MUC7: variants seen among roughly 807,000 people sequenced by gnomAD.
The protein encoded by MUC7 is mucin-7.
A neutral mutation model predicts 2.5 loss-of-function variants in MUC7; 2 were observed. That is an observed-to-expected ratio of 0.81 (90% CI 0.33 to 2.55). MUC7 has a LOEUF of 2.55. MUC7 is among the 30% of genes most tolerant of loss of function. The pLI, the probability that MUC7 is intolerant of heterozygous loss-of-function variation, is 0.11. For missense variants in MUC7, 408 were observed against 455.6 expected, an observed-to-expected ratio of 0.90 and a Z score of 0.95; for synonymous variants, 133 against 173.4, an observed-to-expected ratio of 0.77 and a Z score of 1.83.
At chr4:70,434,980 G>A (rs1733789089) in intron 1 of MUC7, among the ~76,000 whole-genome samples, 1 of 152,154 alleles carries the variant, frequency 6.6e-6, no homozygotes, top group Non-Finnish European at 1.5e-5. Flanking sequence ...TAGTCATTCA[G>A]GAGCAGATTG....
rs1553920391 is a variant in MUC7 at position 70,481,411 on chromosome 4, C to G, written c.667C>G (p.Pro223Ala). The G allele has an allele frequency of 6.2e-7, 1 of 1,612,832 alleles. No homozygotes were observed. The highest frequency in any genetic ancestry group is 8.5e-7 in the Non-Finnish European group (1 of 1,179,782). The change falls in exon 3 of 3, where the codon CCA becomes GCA. Residue 223 changes from proline (P) to alanine (A), a missense_variant. Physicochemically the swap from Pro to Ala is conservative, Grantham distance 27. Coordinates refer to ENST00000304887, the MANE Select transcript of MUC7 (RefSeq NM_152291.3). ...AAPPTPPATTPAPPSSSAPPE... is the reference protein window; with the variant it reads ...AAPPTPPATTAAPPSSSAPPE... Reference sequence around the variant, plus strand: ...CCCACCCACACCTCCTGCAACTACACCAGCTCCACCATCTTCCTCAGCTCC... The same window carrying G: ...CCCACCCACACCTCCTGCAACTACAGCAGCTCCACCATCTTCCTCAGCTCC...
chr4:70,465,393 G>A (rs1734657658), intron 1 of MUC7, among the ~76,000 whole-genome samples: 1 of 152,144 alleles, frequency 6.6e-6, no homozygotes, highest in South Asian at 2.1e-4. Flanking sequence ...AGTGGACAGA[G>A]AATGAGTTTG....
upstream of MUC7, among the ~76,000 whole-genome samples, chr4:70,470,321 G>A (rs1289730243): frequency 6.6e-6 from 1 of 152,106 alleles, no homozygotes; most frequent in African/African-American, 2.4e-5. Flanking sequence ...ACAGGTTGAT[G>A]GGTGCAGCAA....
intron 1 of MUC7, among the ~76,000 whole-genome samples, chr4:70,457,210 AG>A (rs1464155080): frequency 6.6e-6 from 1 of 152,126 alleles, no homozygotes; most frequent in South Asian, 2.1e-4. Flanking sequence ...TGGGAAGCCA[AG>A]GGGGGAGGAC....
intron 2 of MUC7, among the ~76,000 whole-genome samples, chr4:70,478,964 G>A (rs1735089809): frequency 6.6e-6 from 1 of 152,196 alleles, no homozygotes; most frequent in Non-Finnish European, 1.5e-5. Flanking sequence ...GTTGTTCTCA[G>A]TTGTGAATTA....
chr4:70,456,249 C>G (rs188913954), intron 1 of MUC7, among the ~76,000 whole-genome samples: 175 of 152,242 alleles, frequency 1.1e-3, no homozygotes, highest in African/African-American at 3.9e-3. Context: ...AACATTTACT[C>G]AAAAAGATTA....
intron 1 of MUC7, among the ~76,000 whole-genome samples, chr4:70,444,509 A>T (rs1447620275): frequency 6.6e-6 from 1 of 151,972 alleles, no homozygotes; most frequent in Non-Finnish European, 1.5e-5. Flanking sequence ...CACTACCACC[A>T]CTGCACTTGC....
At chr4:70,480,558 C>G (rs1735134314) in intron 2 of MUC7, among the ~76,000 whole-genome samples, 1 of 152,094 alleles carries the variant, frequency 6.6e-6, no homozygotes, top group Admixed American at 6.6e-5. Context: ...AAGCTAGAAC[C>G]CACAGGAATA....
rs144037019 is a variant in MUC7, at chr4:70,452,175, C to A, written c.-92-20040C>A. On this transcript the variant is annotated intron_variant, in intron 1 of 3. Coordinates refer to the MUC7 transcript ENST00000413702. The stretch of plus-strand genomic sequence containing the variant: ...GATGCAGTGTGTTTCTTGTAGGCAT[C>A]AGATCACTGGGTCATGTTTTCTCAT... 2.3e-3 allele frequency among the ~76,000 whole-genome samples: 345 copies of A among 152,274 alleles called. 4 individuals carry two copies. The highest frequency in any genetic ancestry group is 0.011 in the South Asian group (53 of 4,828).
upstream of MUC7, among the ~76,000 whole-genome samples, chr4:70,468,251 G>A (rs117888929): frequency 1.2e-3 from 186 of 152,094 alleles, 3 homozygotes; most frequent in East Asian, 0.027. Flanking sequence ...TTGATGGAAC[G>A]TACATCAAAA....
rs186119229 is a variant in MUC7 at position 70,442,978 on chromosome 4, C to T, written c.-93+12291C>T. 3.9e-5 allele frequency among the ~76,000 whole-genome samples: 6 copies of T among 152,158 alleles called. No homozygotes were observed. In the East Asian group the frequency reaches 5.8e-4, roughly 15 times the overall value. On this transcript the variant is annotated intron_variant, in intron 1 of 3. Coordinates refer to the MUC7 transcript ENST00000413702. ...TAAATTCTATTGCTTCCAGGAGATC[C>T]GAGATGAATCCTAGTCAAATTTTCC...
chr4:70,482,032 A>G lies in MUC7; in HGVS notation c.*154A>G. Reference sequence around the variant, plus strand: ...TCTTTCAATCTAATTATTCACCACCACAAGACCTATTAACAAGACAAAATG... The same window carrying G: ...TCTTTCAATCTAATTATTCACCACCGCAAGACCTATTAACAAGACAAAATG... On this transcript the variant is annotated 3_prime_UTR_variant, in exon 3 of 3. Coordinates refer to ENST00000304887, the MANE Select transcript of MUC7 (RefSeq NM_152291.3). The G allele has an allele frequency of 1.0e-6, 1 of 966,968 alleles. No individual in the cohort carries two copies. The highest frequency in any genetic ancestry group is 1.5e-6 in the Non-Finnish European group (1 of 672,196). The allele number at this position is 966,968 out of a possible 1,614,324, so 59.9% of individuals were successfully genotyped here. A position where few individuals can be genotyped will look rare whatever the true frequency, so the allele number is the denominator to read the frequency against.
chr4:70,460,187 G>A (rs576995257), intron 1 of MUC7, among the ~76,000 whole-genome samples: 2 of 151,824 alleles, frequency 1.3e-5, no homozygotes, highest in East Asian at 3.9e-4. Context: ...CTAGATGTAA[G>A]GGAAAAAAAA....
intron 1 of MUC7, among the ~76,000 whole-genome samples, chr4:70,462,903 C>T (rs1734593460): frequency 6.6e-6 from 1 of 152,124 alleles, no homozygotes; most frequent in Admixed American, 6.5e-5. Flanking sequence ...GAGTTTGAGA[C>T]TGCACTGAGC....
At chr4:70,466,904 T>A (rs1319621087) in intron 1 of MUC7, among the ~76,000 whole-genome samples, 1 of 152,188 alleles carries the variant, frequency 6.6e-6, no homozygotes. Context: ...CTGGACCAAG[T>A]GGATCTAACA....
intron 2 of MUC7, among the ~76,000 whole-genome samples, chr4:70,477,841 T>A (rs1329965298): frequency 6.6e-6 from 1 of 152,222 alleles, no homozygotes; most frequent in African/African-American, 2.4e-5. Flanking sequence ...AAGACTTTTT[T>A]AATAAAAATA....
chr4:70,474,035 C>G lies in MUC7; in HGVS notation c.14C>G (p.Pro5Arg), dbSNP rs776788624. 68 of 1,612,644 alleles carry G rather than the reference C, an allele frequency of 4.2e-5. No individual in the cohort carries two copies. Among genetic ancestry groups the G allele is most frequent in the Admixed American group, 6.7e-5 (4 of 59,940 alleles). Residue 5 changes from proline (P) to arginine (R), a missense_variant, in exon 2 of 3, where the codon CCG becomes CGG. This residue lies in a region of MUC7 where 225 missense variants were observed against 240.5 expected (regional missense o/e 0.94). Coordinates refer to ENST00000304887, the MANE Select transcript of MUC7 (RefSeq NM_152291.3). ...ACATCAGAAAGAATGAAAACTCTGC[C>G]GCTGTTTGTGTGCATCTGTGCACTG... MKTL[P>R]LFVCICALSA...
intron 2 of MUC7, among the ~76,000 whole-genome samples, chr4:70,479,259 A>G (rs895124669): frequency 1.3e-5 from 2 of 152,200 alleles, no homozygotes; most frequent in African/African-American, 4.8e-5. Flanking sequence ...TGAAATAGTT[A>G]TGTGGTTCAT....
At chr4:70,461,373 A>T (rs930530932) in intron 1 of MUC7, among the ~76,000 whole-genome samples, 5 of 152,328 alleles carry the variant, frequency 3.3e-5, no homozygotes, top group Non-Finnish European at 5.9e-5. Flanking sequence ...TTGATGACAA[A>T]GGCCACACTT....
Sources: allele counts gnomAD v4.1 joint callset (sites outside exome capture counted in the v4.1 genomes callset), GRCh38; gene constraint gnomAD v4.1.1; regional missense constraint gnomAD v4.1.1; transcripts MANE v1.5; gene names NCBI Gene and HGNC (gene_info 2026-07-23, HGNC 2026-07-21).